Variants in CACNA1D observed in about 807,000 individuals in gnomAD.
CACNA1D encodes voltage-dependent L-type calcium channel subunit alpha-1D.
CACNA1D carries 55 observed loss-of-function variants against 257.1 expected under a neutral mutation model. That is an observed-to-expected ratio of 0.21 (90% CI 0.17 to 0.27). The LOEUF (loss-of-function observed/expected upper bound fraction) is 0.27, where lower values mean the gene tolerates loss of function less well. Ranked by LOEUF, CACNA1D falls within the 10% of genes least tolerant of loss-of-function variation. CACNA1D has a pLI of 1.00. For synonymous variants in CACNA1D, 980 were observed against 1,014.9 expected (o/e 0.97, Z 0.65); for missense variants, 1,876 against 2,784.0 (o/e 0.67, Z 7.34).
At chr3:53,621,905 G>A (rs6445590) in intron 3 of CACNA1D, among the ~76,000 whole-genome samples, 85,586 of 152,058 alleles carry the variant, frequency 0.56, 26,803 homozygotes, top group African/African-American at 0.86. Context: ...TAAAACCATA[G>A]GACATGCTAC....
At chr3:53,711,534 TCTG>T (rs367667958) in intron 9 of CACNA1D, among the ~76,000 whole-genome samples, 14 of 152,336 alleles carry the variant, frequency 9.2e-5, no homozygotes, top group African/African-American at 2.6e-4. Flanking sequence ...TCGACCCAGT[TCTG>T]CCACCAGGAT....
chr3:53,681,564 G>T (rs1163891852), intron 8 of CACNA1D, among the ~76,000 whole-genome samples: 2 of 152,044 alleles, frequency 1.3e-5, no homozygotes, highest in East Asian at 3.9e-4. Flanking sequence ...GTAGGCACTG[G>T]GTAGGCACCA....
At chr3:53,506,600 G>A (rs2090856903) in intron 3 of CACNA1D, among the ~76,000 whole-genome samples, 1 of 152,144 alleles carries the variant, frequency 6.6e-6, no homozygotes. Context: ...GACCATACAA[G>A]GACTCCATGG....
At chr3:53,674,940 G>A (rs1463865496) in intron 8 of CACNA1D, among the ~76,000 whole-genome samples, 1 of 152,230 alleles carries the variant, frequency 6.6e-6, no homozygotes, top group African/African-American at 2.4e-5. Flanking sequence ...GTATCTCGGG[G>A]AAGTGATGTC....
intron 8 of CACNA1D, among the ~76,000 whole-genome samples, chr3:53,687,890 G>C (rs751774784): frequency 2.0e-5 from 3 of 152,198 alleles, no homozygotes; most frequent in African/African-American, 4.8e-5. Flanking sequence ...TTAAGAAACT[G>C]CTACATAGAT....
At chr3:53,776,451 T>C in intron 35 of CACNA1D, 152 bp from the exon 36 acceptor site, 3 of 925,294 alleles carry the variant, frequency 3.2e-6, no homozygotes, top group Non-Finnish European at 4.9e-6. Flanking sequence ...TCACACTCTT[T>C]TCTTAAACAT....
intron 3 of CACNA1D, among the ~76,000 whole-genome samples, chr3:53,559,063 CT>C (rs372985901): frequency 0.021 from 3,148 of 152,066 alleles, 117 homozygotes; most frequent in African/African-American, 0.07. Context: ...TTTTTATAAT[CT>C]TTTTTTCTCT....
intron 3 of CACNA1D, among the ~76,000 whole-genome samples, chr3:53,590,051 C>G (rs2093280359): frequency 1.3e-5 from 2 of 152,212 alleles, no homozygotes; most frequent in Non-Finnish European, 2.9e-5. Context: ...ACCTCACCTC[C>G]TCAAATCCCT....
intron 7 of CACNA1D, 149 bp from the exon 8 acceptor site, chr3:53,672,874 G>A: frequency 1.9e-6 from 1 of 540,132 alleles, no homozygotes; most frequent in Middle Eastern, 5.0e-4. Context: ...GTTGGCTGCT[G>A]TTGTCTCTGA....
chr3:53,606,784 A>G (rs190929480), intron 3 of CACNA1D, among the ~76,000 whole-genome samples: 3 of 152,372 alleles, frequency 2.0e-5, no homozygotes, highest in African/African-American at 7.2e-5. Context: ...GAACACTGCT[A>G]TCACCATAAG....
At chr3:53,695,167 A>G (rs1189020586) in intron 8 of CACNA1D, among the ~76,000 whole-genome samples, 1 of 152,176 alleles carries the variant, frequency 6.6e-6, no homozygotes, top group African/African-American at 2.4e-5. Context: ...CACAGCAGTC[A>G]GGTCCCCGTG....
chr3:53,672,872 C>G, intron 7 of CACNA1D, 151 bp from the exon 8 acceptor site: 1 of 510,320 alleles, frequency 2.0e-6, no homozygotes, highest in Non-Finnish European at 3.7e-6. Flanking sequence ...GTGTTGGCTG[C>G]TGTTGTCTCT....
At chr3:53,739,471 C>T (rs953638262) in intron 20 of CACNA1D, among the ~76,000 whole-genome samples, 1 of 152,124 alleles carries the variant, frequency 6.6e-6, no homozygotes, top group Non-Finnish European at 1.5e-5. Flanking sequence ...TCCATGGCTC[C>T]GAGGAGAAGC....
intron 32 of CACNA1D, 87 bp downstream of exon 32, chr3:53,770,639 C>G: frequency 7.6e-7 from 1 of 1,308,764 alleles, no homozygotes; most frequent in Non-Finnish European, 1.1e-6. Context: ...GACCCAGGCT[C>G]CCCCTGTGTG....
intron 3 of CACNA1D, among the ~76,000 whole-genome samples, chr3:53,622,825 C>T (rs1303214131): frequency 3.3e-5 from 5 of 151,738 alleles, no homozygotes; most frequent in Non-Finnish European, 7.4e-5. Flanking sequence ...CAATGGAATG[C>T]TACTCAGCAA....
At chr3:53,797,464 G>C (rs1184871208) in intron 40 of CACNA1D, among the ~76,000 whole-genome samples, 2 of 152,146 alleles carry the variant, frequency 1.3e-5, no homozygotes, top group Non-Finnish European at 2.9e-5. Flanking sequence ...TTCTGTGTCT[G>C]GGAAGAGCGA....
At chr3:53,739,530 G>GC (rs2095093877) in intron 20 of CACNA1D, among the ~76,000 whole-genome samples, 1 of 152,218 alleles carries the variant, frequency 6.6e-6, no homozygotes, top group Middle Eastern at 3.4e-3. Context: ...GATAATAGAT[G>GC]GTATTGTCAC....
At chr3:53,561,738 G>A (rs2092744009) in intron 3 of CACNA1D, among the ~76,000 whole-genome samples, 1 of 152,178 alleles carries the variant, frequency 6.6e-6, no homozygotes, top group African/African-American at 2.4e-5. Context: ...ATTGGTATAA[G>A]TCGGTGATAA....
intron 3 of CACNA1D, among the ~76,000 whole-genome samples, chr3:53,609,774 G>T (rs562683899): frequency 2.0e-5 from 3 of 151,696 alleles, no homozygotes. Context: ...TTACTTTTGC[G>T]CTTGCCGTTG....
Sources: gnomAD v4.1 joint callset for allele counts (sites outside exome capture counted in the v4.1 genomes callset) on GRCh38, gnomAD v4.1.1 for gene constraint, MANE v1.5 for transcripts, NCBI Gene and HGNC (gene_info 2026-07-23, HGNC 2026-07-21) for gene names.